The following SMARCC1 variants were observed in gnomAD, a reference collection of about 807,000 sequenced individuals.
The protein encoded by SMARCC1 is SWI/SNF complex subunit SMARCC1.
Under a neutral mutation model 147.4 loss-of-function variants are expected in SMARCC1, and 43 were observed. That is an observed-to-expected ratio of 0.29 (90% CI 0.23 to 0.38). SMARCC1 has a LOEUF of 0.38. SMARCC1 is among the 10% of genes least tolerant of loss of function. The pLI is 1.00. For synonymous variants in SMARCC1, 495 were observed against 484.4 expected (o/e 1.02, Z -0.29); for missense variants, 1,119 against 1,381.1 (o/e 0.81, Z 3.01).
chr3:47,714,671 G>T (rs570071038), intron 7 of SMARCC1, among the ~76,000 whole-genome samples, 181 bp from the exon 8 acceptor site: 43 of 152,202 alleles, frequency 2.8e-4, no homozygotes, highest in Admixed American at 9.8e-4. Context: ...GGATGTGATT[G>T]TAGTCCCCAC....
intron 12 of SMARCC1, among the ~76,000 whole-genome samples, chr3:47,691,771 G>A (rs753667752): frequency 3.9e-5 from 6 of 152,060 alleles, no homozygotes; most frequent in Non-Finnish European, 5.9e-5. Context: ...AGGCTGAGGT[G>A]GGTGGATCAA....
chr3:47,604,924 T>C (rs1400169740), intron 26 of SMARCC1, among the ~76,000 whole-genome samples: 1 of 152,202 alleles, frequency 6.6e-6, no homozygotes, highest in African/African-American at 2.4e-5. Flanking sequence ...TGGTCTTGAA[T>C]TCCTGGCCTC....
At chr3:47,656,195 AG>A (rs1298272889) in intron 21 of SMARCC1, among the ~76,000 whole-genome samples, 1 of 152,158 alleles carries the variant, frequency 6.6e-6, no homozygotes, top group Non-Finnish European at 1.5e-5. Context: ...TGGGTGACAG[AG>A]GAAGACTCCA....
chr3:47,689,681 TATC>T (rs1335626639), intron 12 of SMARCC1, among the ~76,000 whole-genome samples: 4 of 152,216 alleles, frequency 2.6e-5, no homozygotes, highest in Non-Finnish European at 4.4e-5. Context: ...CTTGAGCTAA[TATC>T]ATAGTCATGA....
intron 7 of SMARCC1, among the ~76,000 whole-genome samples, chr3:47,718,626 G>A (rs1472477142): frequency 6.6e-6 from 1 of 151,884 alleles, no homozygotes; most frequent in East Asian, 1.9e-4. Context: ...CTGCTCGGAT[G>A]ATGGGTGCAC....
At chr3:47,606,879 T>C (rs1305546703) in intron 26 of SMARCC1, among the ~76,000 whole-genome samples, 1 of 78,356 alleles carries the variant, frequency 1.3e-5, no homozygotes, top group East Asian at 3.6e-4. Flanking sequence ...CCTGGCTACT[T>C]TTTTTTTTTT....
At position 47,742,757 on chromosome 3, in the gene SMARCC1, A is replaced by AT. The variant is rs2034523567; in HGVS notation, c.401+3150dup. Among the ~76,000 whole-genome samples, 3 of 152,096 alleles carry AT rather than the reference A, an allele frequency of 2.0e-5. No individual in the cohort carries two copies. In the South Asian group the frequency reaches 6.2e-4, roughly 32 times the overall value. On this transcript the variant is annotated intron_variant, in intron 3 of 27. Coordinates refer to ENST00000254480, the MANE Select transcript of SMARCC1 (RefSeq NM_003074.4). ...ACCACCACACCCAGCTAATTTTCCT[A>AT]TTTTTTGTAGAGGCTGAGTTTTCCC...
intron 25 of SMARCC1, among the ~76,000 whole-genome samples, chr3:47,617,929 G>A (rs2032669050): frequency 6.6e-6 from 1 of 152,126 alleles, no homozygotes. Context: ...CTCCCATTTT[G>A]TGTGCTTTTT....
intron 24 of SMARCC1, among the ~76,000 whole-genome samples, chr3:47,630,527 T>C (rs2032872125): frequency 6.6e-6 from 1 of 152,206 alleles, no homozygotes; most frequent in Non-Finnish European, 1.5e-5. Context: ...AATTTTGCAT[T>C]ACAAAGCATG....
chr3:47,613,055 G>C (rs1173529597), intron 25 of SMARCC1, among the ~76,000 whole-genome samples: 1 of 152,124 alleles, frequency 6.6e-6, no homozygotes, highest in South Asian at 2.1e-4. Flanking sequence ...TGTTAACTAG[G>C]AATTTCTGAG....
intron 2 of SMARCC1, among the ~76,000 whole-genome samples, chr3:47,763,640 A>AT (rs573413582): frequency 3.0e-4 from 44 of 148,700 alleles, no homozygotes; most frequent in Non-Finnish European, 4.6e-4. Context: ...CCCAGCTGAG[A>AT]TTTTTTTTTT....
At chr3:47,693,662 T>C (rs1321699166) in intron 11 of SMARCC1, among the ~76,000 whole-genome samples, 2 of 152,174 alleles carry the variant, frequency 1.3e-5, no homozygotes, top group African/African-American at 4.8e-5. Flanking sequence ...GAAGAACTAA[T>C]ACCTTTTTAG....
intron 24 of SMARCC1, among the ~76,000 whole-genome samples, chr3:47,634,468 A>G (rs2106701328): frequency 6.6e-6 from 1 of 152,358 alleles, no homozygotes; most frequent in Admixed American, 6.5e-5. Context: ...GATCAAAAAC[A>G]GTTCAAAATA....
At chr3:47,716,732 A>C (rs569793185) in intron 7 of SMARCC1, among the ~76,000 whole-genome samples, 7 of 152,328 alleles carry the variant, frequency 4.6e-5, no homozygotes, top group South Asian at 2.1e-4. Flanking sequence ...ATAGTTGCTG[A>C]AATATTAAAA....
intron 21 of SMARCC1, among the ~76,000 whole-genome samples, chr3:47,652,111 A>G (rs1309285588): frequency 6.6e-6 from 1 of 152,226 alleles, no homozygotes; most frequent in African/African-American, 2.4e-5. Context: ...CTAGGACTAC[A>G]GGTTTGCACC....
intron 6 of SMARCC1, among the ~76,000 whole-genome samples, chr3:47,721,292 A>AT (rs2034229939): frequency 6.6e-6 from 1 of 152,186 alleles, no homozygotes; most frequent in Non-Finnish European, 1.5e-5. Context: ...TCACTGCCTC[A>AT]TACCTGTTAG....
intron 21 of SMARCC1, among the ~76,000 whole-genome samples, chr3:47,655,760 T>C (rs554642492): frequency 1.3e-5 from 2 of 152,190 alleles, no homozygotes; most frequent in Admixed American, 1.3e-4. Context: ...TAAAGCACAG[T>C]GTATATAAAT....
chr3:47,684,462 C>CA (rs1445337678), intron 14 of SMARCC1, among the ~76,000 whole-genome samples: 4 of 146,580 alleles, frequency 2.7e-5, no homozygotes, highest in Non-Finnish European at 6.0e-5. Context: ...TTTTGGGAGA[C>CA]AGAGTATTGC....
intron 25 of SMARCC1, 74 bp downstream of exon 25, chr3:47,622,133 T>C: frequency 7.5e-7 from 1 of 1,341,216 alleles, no homozygotes; most frequent in South Asian, 1.3e-5. Context: ...ACCATTTATT[T>C]TATCTAACTT....
Sources: allele counts gnomAD v4.1 joint callset (sites outside exome capture counted in the v4.1 genomes callset), GRCh38; gene constraint gnomAD v4.1.1; transcripts MANE v1.5; gene names NCBI Gene and HGNC (gene_info 2026-07-23, HGNC 2026-07-21).